The following TNFRSF8 variants were observed in gnomAD, a reference collection of about 807,000 sequenced individuals.
TNFRSF8 encodes the protein TNF receptor superfamily member 8.
TNFRSF8 carries 26 observed loss-of-function variants against 70.8 expected under a neutral mutation model. That is an observed-to-expected ratio of 0.37 (90% CI 0.27 to 0.51). The LOEUF (loss-of-function observed/expected upper bound fraction) is 0.51, where lower values mean the gene tolerates loss of function less well. Among genes scored for constraint, TNFRSF8 ranks in the 20% least tolerant of loss-of-function variants. The pLI, the probability that TNFRSF8 is intolerant of heterozygous loss-of-function variation, is 0.94. For synonymous variants in TNFRSF8, 356 were observed against 339.2 expected, an observed-to-expected ratio of 1.05 and a Z score of -0.54; for missense variants, 720 against 807.9, an observed-to-expected ratio of 0.89 and a Z score of 1.32.
At chr1:12,114,840 C>A (rs1401319809) in intron 7 of TNFRSF8, among the ~76,000 whole-genome samples, 1 of 151,260 alleles carries the variant, frequency 6.6e-6, no homozygotes, top group Non-Finnish European at 1.5e-5. Context: ...TCCTGAGTAG[C>A]TGGGATTACA....
At chr1:12,136,596 C>A (rs1642148641) in intron 13 of TNFRSF8, among the ~76,000 whole-genome samples, 2 of 148,916 alleles carry the variant, frequency 1.3e-5, no homozygotes, top group South Asian at 4.2e-4. Flanking sequence ...TTGCAGGGAG[C>A]CGAGATTGCA....
chr1:12,128,869 C>G (rs548530338), intron 12 of TNFRSF8, among the ~76,000 whole-genome samples: 1 of 138,340 alleles, frequency 7.2e-6, no homozygotes, highest in African/African-American at 2.7e-5. Context: ...GAGTCTCGCT[C>G]TGTCACCCAG....
intron 4 of TNFRSF8, among the ~76,000 whole-genome samples, chr1:12,105,356 C>G (rs1010077275): frequency 1.3e-5 from 2 of 152,128 alleles, no homozygotes; most frequent in African/African-American, 4.8e-5. Context: ...CACTGCCTGC[C>G]CCTTTTATCC....
In TNFRSF8 at chr1:12,109,212, T is replaced by A. The variant is rs1442284444; in HGVS notation, c.422-354T>A. Among the ~76,000 whole-genome samples, 1 of 152,222 alleles carries A rather than the reference T, an allele frequency of 6.6e-6. No individual in the cohort carries two copies. The highest frequency in any genetic ancestry group is 1.5e-5 in the Non-Finnish European group (1 of 68,030). On this transcript the variant is annotated intron_variant, in intron 4 of 14. Coordinates refer to ENST00000263932, the MANE Select transcript of TNFRSF8 (RefSeq NM_001243.5). This position sits in a 1 kb window ranked among gnomAD's most constrained non-coding sequence, Gnocchi z 4.4. ...TAAATCCCAAACCAGAATCTTTAAATTCTACCTCACAGGCTTGGGTCACAT... is the reference window on the plus strand; with the variant it reads ...TAAATCCCAAACCAGAATCTTTAAAATCTACCTCACAGGCTTGGGTCACAT...
intron 2 of TNFRSF8, 36 bp from the exon 3 acceptor site, chr1:12,097,065 C>A: frequency 6.3e-7 from 1 of 1,578,380 alleles, no homozygotes; most frequent in South Asian, 1.1e-5. Flanking sequence ...TTTGCTAAGT[C>A]AGCCTGGCTT....
intron 8 of TNFRSF8, among the ~76,000 whole-genome samples, chr1:12,121,707 T>C (rs1266194920): frequency 6.6e-6 from 1 of 152,184 alleles, no homozygotes. Context: ...CTGGCCAGCA[T>C]AGCAATCCAG....
intron 2 of TNFRSF8, among the ~76,000 whole-genome samples, 174 bp from the exon 3 acceptor site, chr1:12,096,927 G>A (rs1641340919): frequency 6.6e-6 from 1 of 152,210 alleles, no homozygotes; most frequent in African/African-American, 2.4e-5. Context: ...TTAGGCGAGG[G>A]TTGCCCCTCC....
chr1:12,130,628 G>A (rs894170720), intron 12 of TNFRSF8, among the ~76,000 whole-genome samples: 3 of 152,234 alleles, frequency 2.0e-5, no homozygotes, highest in African/African-American at 4.8e-5. Context: ...GAATAACAGG[G>A]ATGGAAGGGA....
chr1:12,112,107 T>G lies in TNFRSF8; in HGVS notation c.793+93T>G. 1.1e-6 allele frequency: 1 copy of G among 899,378 alleles called. No homozygotes were observed. The highest frequency in any genetic ancestry group is 2.6e-5 in the East Asian group (1 of 39,190). 55.7% of individuals were successfully genotyped at this position (899,378 alleles called of 1,614,324 possible). On this transcript the variant is annotated intron_variant, in intron 7 of 14. Coordinates refer to ENST00000263932, the MANE Select transcript of TNFRSF8 (RefSeq NM_001243.5). The surrounding 1 kb of genome is among the most constrained non-coding windows in gnomAD (Gnocchi z 5.3). ...AACTACTCCCCCTTATGTTTGTGGG[T>G]TTTTGATGGGGGTCGCCTCTTTTCA...
At chr1:12,104,628 T>G in intron 4 of TNFRSF8, 97 bp downstream of exon 4, 1 of 1,421,832 alleles carries the variant, frequency 7.0e-7, no homozygotes, top group Non-Finnish European at 9.7e-7. Context: ...GACCTCCCGC[T>G]TCCCGGAGAC....
At chr1:12,136,383 T>G (rs911660509) in intron 13 of TNFRSF8, among the ~76,000 whole-genome samples, 1 of 152,174 alleles carries the variant, frequency 6.6e-6, no homozygotes, top group African/African-American at 2.4e-5. Context: ...ATATGATGGC[T>G]CACACTTAAA....
At chr1:12,077,015 G>A (rs779717952) in intron 1 of TNFRSF8, among the ~76,000 whole-genome samples, 29 of 152,122 alleles carry the variant, frequency 1.9e-4, no homozygotes, top group Non-Finnish European at 3.1e-4. Context: ...AACCACGGCT[G>A]AAGAGATTCT....
Position 12,113,215 on chromosome 1 carries a change from G to T in TNFRSF8, c.793+1201G>T, listed in dbSNP as rs1641662183. Among the ~76,000 whole-genome samples, 1 of 152,200 alleles carries T rather than the reference G, an allele frequency of 6.6e-6. No individual in the cohort carries two copies. The highest frequency in any genetic ancestry group is 1.5e-5 in the Non-Finnish European group (1 of 68,036). On this transcript the variant is annotated intron_variant, in intron 7 of 14. Coordinates refer to ENST00000263932, the MANE Select transcript of TNFRSF8 (RefSeq NM_001243.5). The surrounding 1 kb of genome is among the most constrained non-coding windows in gnomAD (Gnocchi z 4.9). ...GCTTCATTCATTCACCTGCCTTGGG[G>T]TTGATGTTGGCTCCTGGCTGCAGCC...
At chr1:12,069,351 G>A (rs890438840) in intron 1 of TNFRSF8, among the ~76,000 whole-genome samples, 3 of 150,760 alleles carry the variant, frequency 2.0e-5, no homozygotes, top group African/African-American at 7.3e-5. Flanking sequence ...GCTAATTTTT[G>A]TATTTTTATT....
intron 2 of TNFRSF8, among the ~76,000 whole-genome samples, chr1:12,094,997 C>G (rs1223062952): frequency 6.6e-6 from 1 of 152,062 alleles, no homozygotes; most frequent in Non-Finnish European, 1.5e-5. Flanking sequence ...GGTCCATGGA[C>G]TCAAAGGTAG....
At chr1:12,127,581 C>G (rs1241587118) in intron 12 of TNFRSF8, among the ~76,000 whole-genome samples, 2 of 152,258 alleles carry the variant, frequency 1.3e-5, no homozygotes, top group Non-Finnish European at 2.9e-5. Flanking sequence ...CTTGCATAGG[C>G]TGACTGTTGA....
chr1:12,069,726 C>G (rs1291478159), intron 1 of TNFRSF8, among the ~76,000 whole-genome samples: 1 of 152,230 alleles, frequency 6.6e-6, no homozygotes, highest in Non-Finnish European at 1.5e-5. Context: ...GCGAGTTCAT[C>G]CATGCACCGC....
intron 12 of TNFRSF8, among the ~76,000 whole-genome samples, chr1:12,135,208 C>T (rs1312173414): frequency 6.7e-6 from 1 of 149,012 alleles, no homozygotes; most frequent in Non-Finnish European, 1.5e-5. Context: ...CCCAGCTATT[C>T]GGGAGGCTGA....
At chr1:12,124,304 T>A (rs1344278484) in intron 10 of TNFRSF8, among the ~76,000 whole-genome samples, 1 of 152,172 alleles carries the variant, frequency 6.6e-6, no homozygotes, top group African/African-American at 2.4e-5. Flanking sequence ...CCACTGCGCC[T>A]GGCTGCTAGT....
Sources: allele counts gnomAD v4.1 joint callset (sites outside exome capture counted in the v4.1 genomes callset), GRCh38; gene constraint gnomAD v4.1.1; non-coding constraint Gnocchi (gnomAD v3.1); transcripts MANE v1.5; gene names NCBI Gene and HGNC (gene_info 2026-07-23, HGNC 2026-07-21).